Variants in AKAP19 observed in about 807,000 individuals in gnomAD.
The protein encoded by AKAP19 is A-kinase anchoring protein 19, also known as small A-kinase anchoring protein.
chr2:189,933,113 A>G, the AKAP19 span, among the ~76,000 whole-genome samples: 2 of 152,242 alleles, frequency 1.3e-5, no homozygotes, highest in African/African-American at 4.8e-5. Flanking sequence ...GAAAAAACTT[A>G]TATAATCAGC....
chr2:190,184,852 T>C, the AKAP19 span, among the ~76,000 whole-genome samples: 3 of 152,134 alleles, frequency 2.0e-5, no homozygotes, highest in Admixed American at 6.5e-5. Flanking sequence ...ATTAAGTCCA[T>C]TGGGTAAAAA....
At chr2:189,923,720 C>T in the AKAP19 span, 3 of 1,613,738 alleles carry the variant, frequency 1.9e-6, no homozygotes, top group East Asian at 2.2e-5. Flanking sequence ...TTACCCAGCA[C>T]GTGTACCTCC....
the AKAP19 span, among the ~76,000 whole-genome samples, chr2:190,078,615 G>A: frequency 2.2e-4 from 33 of 151,962 alleles, no homozygotes; most frequent in African/African-American, 7.5e-4. Flanking sequence ...AAAATTAAAA[G>A]ATCAGTGAAA....
At chr2:190,057,472 T>G in the AKAP19 span, 1 of 1,613,484 alleles carries the variant, frequency 6.2e-7, no homozygotes, top group East Asian at 2.2e-5. Flanking sequence ...GTAATTGGCC[T>G]TATATCTTTT....
At chr2:190,094,274 T>A in the AKAP19 span, among the ~76,000 whole-genome samples, 3 of 152,220 alleles carry the variant, frequency 2.0e-5, no homozygotes, top group African/African-American at 7.2e-5. Context: ...AGGGGAAACA[T>A]GCTGTTTAAA....
At chr2:189,913,160 C>A in the AKAP19 span, among the ~76,000 whole-genome samples, 2 of 152,040 alleles carry the variant, frequency 1.3e-5, no homozygotes, top group African/African-American at 4.8e-5. Flanking sequence ...ACTTCTTTTT[C>A]TAAACCTAAT....
the AKAP19 span, among the ~76,000 whole-genome samples, chr2:190,198,588 C>G: frequency 1.5e-5 from 2 of 131,872 alleles, no homozygotes; most frequent in Admixed American, 8.9e-5. Context: ...GCCGTGATTG[C>G]ATCCTTTACT....
chr2:190,098,197 C>G, the AKAP19 span, among the ~76,000 whole-genome samples: 1 of 152,162 alleles, frequency 6.6e-6, no homozygotes, highest in Non-Finnish European at 1.5e-5. Context: ...TCAGAGGAAT[C>G]ACCGTCTATG....
chr2:190,010,399 G>T, the AKAP19 span, among the ~76,000 whole-genome samples: 1 of 152,272 alleles, frequency 6.6e-6, no homozygotes, highest in South Asian at 2.1e-4. Context: ...GATACAGTGG[G>T]ATAATAGTCA....
the AKAP19 span, among the ~76,000 whole-genome samples, chr2:190,148,688 T>C: frequency 2.3e-3 from 357 of 152,332 alleles, 4 homozygotes; most frequent in African/African-American, 8.1e-3. Context: ...TTGCTGCTTG[T>C]TATTGGTCTG....
chr2:190,095,051 C>A, the AKAP19 span, among the ~76,000 whole-genome samples: 2 of 152,032 alleles, frequency 1.3e-5, no homozygotes, highest in Non-Finnish European at 2.9e-5. Context: ...GGTGAAACCC[C>A]ATCTCTACTA....
At chr2:190,166,403 G>T in the AKAP19 span, among the ~76,000 whole-genome samples, 1 of 118,820 alleles carries the variant, frequency 8.4e-6, no homozygotes, top group Non-Finnish European at 1.6e-5. Context: ...CTGTTCCAAA[G>T]ACTAAAATAA....
chr2:189,940,743 T>G, the AKAP19 span, among the ~76,000 whole-genome samples: 1 of 151,606 alleles, frequency 6.6e-6, no homozygotes, highest in Non-Finnish European at 1.5e-5. Context: ...TACAAAAAAT[T>G]AGCCAGGCGT....
chr2:189,985,848 T>G, the AKAP19 span, among the ~76,000 whole-genome samples: 3 of 152,136 alleles, frequency 2.0e-5, no homozygotes, highest in Admixed American at 2.0e-4. Context: ...AAAATGAATA[T>G]AATACAAAAA....
chr2:190,097,402 G>C, the AKAP19 span, among the ~76,000 whole-genome samples: 1 of 152,168 alleles, frequency 6.6e-6, no homozygotes, highest in African/African-American at 2.4e-5. Context: ...TGATCAGGGT[G>C]GTAGTTGCTG....
the AKAP19 span, among the ~76,000 whole-genome samples, chr2:190,004,652 A>C: frequency 6.6e-6 from 1 of 150,462 alleles, no homozygotes; most frequent in South Asian, 2.1e-4. Flanking sequence ...TTATGTTCTC[A>C]TCTATCATTA....
the AKAP19 span, among the ~76,000 whole-genome samples, chr2:190,131,508 C>A: frequency 3.3e-5 from 5 of 152,194 alleles, no homozygotes; most frequent in Non-Finnish European, 7.4e-5. Context: ...TTATGCATCT[C>A]TTCCATCTGG....
the AKAP19 span, among the ~76,000 whole-genome samples, chr2:190,053,107 A>T: frequency 1.3e-5 from 2 of 152,210 alleles, no homozygotes; most frequent in Non-Finnish European, 2.9e-5. Flanking sequence ...ATGAAAACAA[A>T]GCGTGTGTGT....
chr2:190,194,210 G>T, the AKAP19 span, among the ~76,000 whole-genome samples: 1 of 152,154 alleles, frequency 6.6e-6, no homozygotes, highest in African/African-American at 2.4e-5. Flanking sequence ...ATAAGAATAT[G>T]TAATAGTTGT....
Sources: allele counts gnomAD v4.1 joint callset (sites outside exome capture counted in the v4.1 genomes callset), GRCh38; gene constraint gnomAD v4.1.1; transcripts MANE v1.5; gene names NCBI Gene and HGNC (gene_info 2026-07-23, HGNC 2026-07-21).